Variants in FAM20C observed in about 807,000 individuals in gnomAD.
The protein encoded by FAM20C is FAM20C golgi associated secretory pathway kinase, also known as extracellular serine/threonine protein kinase FAM20C.
A neutral mutation model predicts 51.5 loss-of-function variants in FAM20C; 40 were observed. The ratio of observed to expected loss-of-function variants is 0.78; its 90% CI spans 0.60 to 1.01. The LOEUF is 1.01. Ranked by LOEUF, FAM20C falls within the 50% of genes least tolerant of loss-of-function variation. The pLI is 0.00. For synonymous variants in FAM20C, 406 were observed against 380.6 expected, an observed-to-expected ratio of 1.07 and a Z score of -0.78; for missense variants, 861 against 844.7, an observed-to-expected ratio of 1.02 and a Z score of -0.24.
chr7:236,210 CCGAGG>C (rs1787843880), intron 3 of FAM20C, among the ~76,000 whole-genome samples: 1 of 98,258 alleles, frequency 1.0e-5, no homozygotes, highest in African/African-American at 8.1e-5. Context: ...CGGCTCCTGG[CCGAGG>C]TGAGAGGCCG....
At chr7:203,958 G>A (rs563707952) in intron 2 of FAM20C, among the ~76,000 whole-genome samples, 7 of 152,284 alleles carry the variant, frequency 4.6e-5, no homozygotes, top group African/African-American at 1.4e-4. Context: ...TTTTCTCATC[G>A]TCACTTCGTT....
intron 2 of FAM20C, among the ~76,000 whole-genome samples, chr7:205,603 A>G (rs1221358794): frequency 6.6e-6 from 1 of 152,118 alleles, no homozygotes; most frequent in African/African-American, 2.4e-5. Flanking sequence ...ACACCGCAGG[A>G]GGCCGAGCAC....
chr7:252,712 G>A (rs918005281), intron 5 of FAM20C, among the ~76,000 whole-genome samples: 4 of 152,222 alleles, frequency 2.6e-5, no homozygotes, highest in African/African-American at 9.6e-5. Flanking sequence ...GAAGCAGGAG[G>A]CTGAGCCCCA....
At chr7:205,824 G>T (rs976717849) in intron 2 of FAM20C, among the ~76,000 whole-genome samples, 1 of 151,994 alleles carries the variant, frequency 6.6e-6, no homozygotes, top group Admixed American at 6.6e-5. Context: ...AAGCATCCAC[G>T]GCACCCCCAG....
intron 3 of FAM20C, among the ~76,000 whole-genome samples, chr7:210,096 C>G (rs1289694709): frequency 6.6e-6 from 1 of 152,228 alleles, no homozygotes. Context: ...GGCCGGGGAG[C>G]AGCCGTTCAC....
intron 5 of FAM20C, among the ~76,000 whole-genome samples, chr7:253,797 T>C (rs1251857332): frequency 6.6e-6 from 1 of 152,142 alleles, no homozygotes; most frequent in Non-Finnish European, 1.5e-5. Context: ...GCCCGAGAAA[T>C]GCCTTTCTCT....
At chr7:205,207 G>A (rs544443872) in intron 2 of FAM20C, among the ~76,000 whole-genome samples, 3 of 138,832 alleles carry the variant, frequency 2.2e-5, no homozygotes, top group Non-Finnish European at 4.6e-5. Flanking sequence ...CTGGCCTCAA[G>A]CAGTCTTCCC....
intron 8 of FAM20C, among the ~76,000 whole-genome samples, chr7:258,140 GA>G (rs1437441474): frequency 7.4e-5 from 9 of 122,380 alleles, no homozygotes; most frequent in South Asian, 2.6e-4. Context: ...TGGACCCACT[GA>G]CTGGGGTGCT....
At chr7:257,141 A>G in intron 8 of FAM20C, 55 bp downstream of exon 8, 2 of 1,489,160 alleles carry the variant, frequency 1.3e-6, no homozygotes. Flanking sequence ...CCTCCCAGCT[A>G]CCTGCAGCCC....
rs28548567 is a variant in FAM20C, at chr7:209,961, C to T, written c.863+985C>T. Among the ~76,000 whole-genome samples, 786 of 152,320 alleles carry T rather than the reference C, an allele frequency of 5.2e-3. 6 individuals are homozygous for T. Among genetic ancestry groups the T allele is most frequent in the African/African-American group, 0.018 (756 of 41,568 alleles). On this transcript the variant is annotated intron_variant, in intron 3 of 9. Transcript: ENST00000313766. ...GACTCGACCGAGGGAGGTGGCCCTG[C>T]CCCGGTCTTCCCCCAAGACCCACGA...
chr7:246,361 C>A (rs1351112679), intron 3 of FAM20C, 54 bp from the exon 4 acceptor site: 10 of 1,429,868 alleles, frequency 7.0e-6, no homozygotes, highest in Non-Finnish European at 9.5e-6. Context: ...TGCCTCCGGC[C>A]CCTGGAGGCT....
At chr7:257,161 C>A (rs982789658) in intron 8 of FAM20C, 75 bp downstream of exon 8, 2 of 1,387,828 alleles carry the variant, frequency 1.4e-6, no homozygotes, top group Non-Finnish European at 9.9e-7. Flanking sequence ...CACCTGAGAC[C>A]CTGGGGACGG....
chr7:252,731 C>G (rs1455582505), intron 5 of FAM20C, among the ~76,000 whole-genome samples: 1 of 152,224 alleles, frequency 6.6e-6, no homozygotes, highest in East Asian at 1.9e-4. Context: ...CAGGCAGCCC[C>G]CTGCCCCACG....
intron 9 of FAM20C, among the ~76,000 whole-genome samples, chr7:259,342 C>T (rs574659795): frequency 2.4e-4 from 37 of 152,322 alleles, no homozygotes; most frequent in African/African-American, 7.0e-4. Flanking sequence ...AGGTGAGAGG[C>T]GGCAGACCAC....
In FAM20C at chr7:207,083, C is replaced by T. The variant is rs374361184; in HGVS notation, c.785-1815C>T. ...GGCCCTGCACACGTATCCACTGTGACGCGTCGGTCACTGTCCCCTCGGCCC... is the reference window on the plus strand; with the variant it reads ...GGCCCTGCACACGTATCCACTGTGATGCGTCGGTCACTGTCCCCTCGGCCC... On this transcript the variant is annotated intron_variant, in intron 2 of 9. Coordinates refer to ENST00000313766, the MANE Select transcript of FAM20C (RefSeq NM_020223.4). Among the ~76,000 whole-genome samples, 3 of 24,468 alleles carry T rather than the reference C, an allele frequency of 1.2e-4. 1 individual carries two copies. Among genetic ancestry groups the T allele is most frequent in the African/African-American group, 3.1e-4 (2 of 6,540 alleles). The allele number at this position is 24,468 out of a possible 152,430, so 16.1% of individuals were successfully genotyped here. A position where few individuals can be genotyped will look rare whatever the true frequency, so the allele number is the denominator to read the frequency against.
chr7:236,135 G>T (rs1787840889), intron 3 of FAM20C, among the ~76,000 whole-genome samples: 1 of 152,198 alleles, frequency 6.6e-6, no homozygotes, highest in Admixed American at 6.5e-5. Flanking sequence ...CTTTTCCAAA[G>T]CCTTTTTCCC....
chr7:260,174 T>G lies in FAM20C; in HGVS notation c.*194T>G. On this transcript the variant is annotated 3_prime_UTR_variant, in exon 10 of 10. Coordinates refer to ENST00000313766, the MANE Select transcript of FAM20C (RefSeq NM_020223.4). ...TTGTCAGTGTTTGACCAGAAAAGCT[T>G]GGGAAGGAAGCGCTGTCTGTGCTCA... 1.3e-6 allele frequency: 1 copy of G among 794,424 alleles called. No individual in the cohort carries two copies. The highest frequency in any genetic ancestry group is 3.4e-5 in the Admixed American group (1 of 29,144). 49.2% of individuals were successfully genotyped at this position (794,424 alleles called of 1,614,324 possible).
intron 6 of FAM20C, 64 bp downstream of exon 6, chr7:256,093 G>C: frequency 6.6e-7 from 1 of 1,507,928 alleles, no homozygotes; most frequent in South Asian, 1.2e-5. Flanking sequence ...GGGCCTGGGC[G>C]GGCATGGGAG....
At chr7:207,824 G>A (rs1424117970) in intron 2 of FAM20C, among the ~76,000 whole-genome samples, 1 of 152,212 alleles carries the variant, frequency 6.6e-6, no homozygotes, top group African/African-American at 2.4e-5. Context: ...GCTGCCCCAG[G>A]CCGAGGCCAG....
Sources: allele counts gnomAD v4.1 joint callset (sites outside exome capture counted in the v4.1 genomes callset), GRCh38; gene constraint gnomAD v4.1.1; transcripts MANE v1.5; gene names NCBI Gene and HGNC (gene_info 2026-07-23, HGNC 2026-07-21).